Variants in MTURN observed in about 807,000 individuals in gnomAD.
MTURN encodes maturin.
MTURN carries 7 observed loss-of-function variants against 14.9 expected under a neutral mutation model. That is an observed-to-expected ratio of 0.47 (90% CI 0.27 to 0.88). The LOEUF is 0.88. Ranked by LOEUF, MTURN falls within the 40% of genes least tolerant of loss-of-function variation. The probability of loss-of-function intolerance (pLI) is 0.14; values close to 1 mark genes in which losing one functional copy is unlikely to be tolerated. For missense variants in MTURN, 151 were observed against 174.1 expected, an observed-to-expected ratio of 0.87 and a Z score of 0.75; for synonymous variants, 69 against 72.5, an observed-to-expected ratio of 0.95 and a Z score of 0.25.
intron 2 of MTURN, among the ~76,000 whole-genome samples, chr7:30,148,521 G>T (rs1469191492): frequency 6.6e-6 from 1 of 152,186 alleles, no homozygotes; most frequent in Non-Finnish European, 1.5e-5. Context: ...GTTAGGGGAG[G>T]GACAGAGAGG....
intron 2 of MTURN, among the ~76,000 whole-genome samples, chr7:30,148,328 C>T (rs1583507504): frequency 6.6e-6 from 1 of 152,296 alleles, no homozygotes; most frequent in Non-Finnish European, 1.5e-5. Context: ...GGAGCAGGAG[C>T]GGCCAGTGTG....
At chr7:30,150,795 G>T (rs1037967894) in intron 2 of MTURN, among the ~76,000 whole-genome samples, 1 of 152,194 alleles carries the variant, frequency 6.6e-6, no homozygotes, top group Non-Finnish European at 1.5e-5. Flanking sequence ...CCTCAGCTCC[G>T]TTTCCTTAGA....
rs962488316 is a variant in MTURN, at chr7:30,158,572, C to T, written c.*1024C>T. 1.3e-5 allele frequency: 2 copies of T among 151,228 alleles called. No homozygotes were observed. Among genetic ancestry groups the T allele is most frequent in the Non-Finnish European group, 2.9e-5 (2 of 67,934 alleles). 9.4% of individuals were successfully genotyped at this position (151,228 alleles called of 1,614,324 possible). A position where few individuals can be genotyped will look rare whatever the true frequency, so the allele number is the denominator to read the frequency against. On this transcript the variant is annotated 3_prime_UTR_variant, in exon 3 of 3. Transcript: ENST00000324453. ...TATTTAAAAATTTAATCACATGTTT[C>T]GAGGGACTTAATTGTGGTGTATTTG... is the stretch of plus-strand genomic sequence containing the variant.
intron 2 of MTURN, among the ~76,000 whole-genome samples, chr7:30,153,324 T>C (rs1261807897): frequency 1.3e-5 from 2 of 152,224 alleles, no homozygotes; most frequent in African/African-American, 4.8e-5. Context: ...AGTCTATTTC[T>C]GGTGCTTTCT....
At chr7:30,137,748 T>C in intron 1 of MTURN, 1 of 453,002 alleles carries the variant, frequency 2.2e-6, no homozygotes. Flanking sequence ...GTTCTTTTCT[T>C]TTTCCCTGGA....
chr7:30,156,745 A>C (rs1294594422), intron 2 of MTURN, among the ~76,000 whole-genome samples: 1 of 152,028 alleles, frequency 6.6e-6, no homozygotes, highest in Non-Finnish European at 1.5e-5. Flanking sequence ...GAATTGCTTG[A>C]ACCCGGGAAT....
rs35968379 is a variant in MTURN at position 30,143,355 on chromosome 7, CTT to C, written c.163-2808_163-2807del. ...TGGATCTTATTTCCCTCCCTTTGTC[CTT>C]TTTTTTTTTTTTTCCCAATGACAGA... On this transcript the variant is annotated intron_variant, in intron 1 of 2. Transcript: ENST00000324453. 4.0e-3 allele frequency among the ~76,000 whole-genome samples: 553 copies of C among 136,726 alleles called. 5 individuals carry two copies. The highest frequency in any genetic ancestry group is 0.014 in the African/African-American group (512 of 36,806). 89.7% of individuals were successfully genotyped at this position (136,726 alleles called of 152,430 possible). A position where few individuals can be genotyped will look rare whatever the true frequency, so the allele number is the denominator to read the frequency against.
chr7:30,150,886 GC>G (rs1469133430), intron 2 of MTURN, among the ~76,000 whole-genome samples: 1 of 152,182 alleles, frequency 6.6e-6, no homozygotes, highest in East Asian at 1.9e-4. Context: ...GGTACACTTG[GC>G]CTCAGTGTCC....
intron 1 of MTURN, among the ~76,000 whole-genome samples, chr7:30,143,484 G>C (rs941354612): frequency 6.6e-6 from 1 of 151,692 alleles, no homozygotes; most frequent in African/African-American, 2.4e-5. Context: ...TCCTTGTTAT[G>C]AGATACAATG....
chr7:30,151,174 C>T (rs555052612), intron 2 of MTURN, among the ~76,000 whole-genome samples: 4 of 152,198 alleles, frequency 2.6e-5, no homozygotes, highest in Admixed American at 6.5e-5. Context: ...ATGATTTTTA[C>T]CTATTTTTTC....
chr7:30,153,232 C>T (rs920784111), intron 2 of MTURN, among the ~76,000 whole-genome samples: 1 of 151,918 alleles, frequency 6.6e-6, no homozygotes, highest in Non-Finnish European at 1.5e-5. Flanking sequence ...TTAGACTTGC[C>T]CACCATAGGT....
intron 2 of MTURN, among the ~76,000 whole-genome samples, chr7:30,148,565 A>T (rs546374211): frequency 5.8e-4 from 89 of 152,270 alleles, no homozygotes; most frequent in Middle Eastern, 3.4e-3. Context: ...CAGGTGAGAG[A>T]TAGTGGTGGC....
chr7:30,135,801 C>T lies in MTURN; in HGVS notation c.162+503C>T, dbSNP rs368323714. 9.2e-5 allele frequency among the ~76,000 whole-genome samples: 14 copies of T among 152,346 alleles called. 1 individual carries two copies. The highest frequency in any genetic ancestry group is 3.4e-4 in the African/African-American group (14 of 41,588). ...TCCGGTGCCCAGCCTCGGCTCCTCG[C>T]ATTGCCCCTCCCGGGAGAACCCCAC... On this transcript the variant is annotated intron_variant, in intron 1 of 2. Coordinates refer to ENST00000324453, the MANE Select transcript of MTURN (RefSeq NM_152793.3).
intron 2 of MTURN, among the ~76,000 whole-genome samples, chr7:30,153,652 A>G (rs1797243368): frequency 6.6e-6 from 1 of 152,236 alleles, no homozygotes; most frequent in Non-Finnish European, 1.5e-5. Context: ...ATGAGGAGCA[A>G]AGGAGTTAAT....
At position 30,149,041 on chromosome 7, in the gene MTURN, G is replaced by C. The variant is rs549885404; in HGVS notation, c.285+2742G>C. Among the ~76,000 whole-genome samples, 3 of 152,206 alleles carry C rather than the reference G, an allele frequency of 2.0e-5. No individual in the cohort carries two copies. In the East Asian group the frequency reaches 5.8e-4, roughly 29 times the overall value. The stretch of plus-strand genomic sequence containing the variant: ...TGGTGGCAGGCAGCCTCCCCTCCCT[G>C]CAGAACTGGCTCACCTGGGAAGGGG... On this transcript the variant is annotated intron_variant, in intron 2 of 2. Coordinates refer to ENST00000324453, the MANE Select transcript of MTURN (RefSeq NM_152793.3).
chr7:30,144,789 G>A (rs767949798), intron 1 of MTURN, among the ~76,000 whole-genome samples: 14 of 152,140 alleles, frequency 9.2e-5, no homozygotes, highest in Non-Finnish European at 1.8e-4. Flanking sequence ...GAGGAAATGT[G>A]TTTATTGAGT....
rs745884438 is a variant in MTURN at position 30,160,773 on chromosome 7, G to T, written c.*3225G>T. On this transcript the variant is annotated 3_prime_UTR_variant, in exon 3 of 3. Transcript: ENST00000324453. ...AGCCTGATCACCATATCGAGCAGAC[G>T]TCAAGGAATCAGAGTGAAGTACGGA... is the stretch of plus-strand genomic sequence containing the variant. 3.3e-5 allele frequency: 5 copies of T among 152,194 alleles called. No homozygotes were observed. Among genetic ancestry groups the T allele is most frequent in the Admixed American group, 3.3e-4 (5 of 15,282 alleles). The allele number at this position is 152,194 out of a possible 1,614,324, so 9.4% of individuals were successfully genotyped here. A position where few individuals can be genotyped will look rare whatever the true frequency, so the allele number is the denominator to read the frequency against.
At chr7:30,147,280 A>G (rs1251966370) in intron 2 of MTURN, among the ~76,000 whole-genome samples, 1 of 152,196 alleles carries the variant, frequency 6.6e-6, no homozygotes, top group Non-Finnish European at 1.5e-5. Context: ...GAAAGTTTAC[A>G]TGTAGGAATA....
intron 2 of MTURN, among the ~76,000 whole-genome samples, chr7:30,153,858 T>TA (rs918363234): frequency 1.3e-5 from 2 of 152,000 alleles, no homozygotes; most frequent in African/African-American, 4.8e-5. Flanking sequence ...GCTGGGACTA[T>TA]AGGCACACGC....
Sources: allele counts gnomAD v4.1 joint callset (sites outside exome capture counted in the v4.1 genomes callset), GRCh38; gene constraint gnomAD v4.1.1; transcripts MANE v1.5; gene names NCBI Gene and HGNC (gene_info 2026-07-23, HGNC 2026-07-21).